HDAC9: variants seen among roughly 807,000 people sequenced by gnomAD.
HDAC9 encodes the protein MEF-2 interacting transcription repressor (MITR) protein.
HDAC9 carries 41 observed loss-of-function variants against 139.4 expected under a neutral mutation model. The observed-to-expected ratio is 0.29, with a 90% confidence interval of 0.23 to 0.38. The LOEUF (loss-of-function observed/expected upper bound fraction) is 0.38, where lower values mean the gene tolerates loss of function less well. Ranked by LOEUF, HDAC9 falls within the 10% of genes least tolerant of loss-of-function variation. HDAC9 has a pLI of 1.00. For missense variants in HDAC9, 1,147 were observed against 1,297.0 expected (o/e 0.88, Z 1.78); for synonymous variants, 517 against 476.2 (o/e 1.09, Z -1.12).
chr7:18,863,242 GA>G (rs568376389), intron 21 of HDAC9, among the ~76,000 whole-genome samples: 88 of 152,166 alleles, frequency 5.8e-4, no homozygotes, highest in African/African-American at 9.9e-4. Context: ...CTCCAAACAC[GA>G]AAAACCAGAG....
chr7:18,446,869 G>A (rs1339352551), intron 1 of HDAC9, among the ~76,000 whole-genome samples: 1 of 152,074 alleles, frequency 6.6e-6, no homozygotes, highest in Admixed American at 6.6e-5. Context: ...CAATGTAAGT[G>A]TAACATGATT....
chr7:18,287,208 T>A (rs1472846997), upstream of HDAC9, among the ~76,000 whole-genome samples: 1 of 151,706 alleles, frequency 6.6e-6, no homozygotes, highest in East Asian at 1.9e-4. Flanking sequence ...TATTGCTTAT[T>A]TTTTTTTACT....
intron 12 of HDAC9, chr7:18,667,285 A>G: frequency 2.0e-6 from 2 of 985,046 alleles, no homozygotes; most frequent in Non-Finnish European, 2.4e-6. Flanking sequence ...CCAATCAGAT[A>G]CAATATTGTG....
chr7:18,216,468 A>C (rs1211631639), intron 2 of HDAC9, among the ~76,000 whole-genome samples: 3 of 152,066 alleles, frequency 2.0e-5, no homozygotes, highest in Admixed American at 2.0e-4. Context: ...GTTGGAAACA[A>C]CTCTGCTAAA....
At chr7:18,364,911 G>A (rs949413814) in intron 1 of HDAC9, among the ~76,000 whole-genome samples, 8 of 152,064 alleles carry the variant, frequency 5.3e-5, no homozygotes, top group East Asian at 3.9e-4. Context: ...TAGCAGAATC[G>A]AAGGGAAATT....
intron 2 of HDAC9, among the ~76,000 whole-genome samples, chr7:18,253,436 A>G (rs1167705614): frequency 2.0e-5 from 3 of 152,130 alleles, no homozygotes; most frequent in Non-Finnish European, 4.4e-5. Context: ...ACTTTTTATA[A>G]TAGCCATTCT....
intron 22 of HDAC9, among the ~76,000 whole-genome samples, chr7:18,906,728 A>G (rs1304965569): frequency 6.6e-6 from 1 of 152,176 alleles, no homozygotes; most frequent in Admixed American, 6.5e-5. Flanking sequence ...GATTCAACTA[A>G]CCTGAGCAGT....
rs912726163 is a variant in HDAC9 at position 18,997,924 on chromosome 7, A to G, written c.*1862A>G. The G allele has an allele frequency of 6.6e-6, 1 of 152,190 alleles. No individual in the cohort carries two copies. Among genetic ancestry groups the G allele is most frequent in the African/African-American group, 2.4e-5 (1 of 41,472 alleles). The allele number at this position is 152,190 out of a possible 1,614,324, so 9.4% of individuals were successfully genotyped here. A position where few individuals can be genotyped will look rare whatever the true frequency, so the allele number is the denominator to read the frequency against. On this transcript the variant is annotated 3_prime_UTR_variant, in exon 26 of 26. Coordinates refer to ENST00000686413, the MANE Select transcript of HDAC9 (RefSeq NM_178425.4). ...AATCTGAAATGGAATGTAACTTAGT[A>G]TTAGGTAAAAATTGCTTTCATTGCG...
In HDAC9 at chr7:18,591,076, T is replaced by A. The variant is rs188580052; in HGVS notation, c.416-440T>A. Among the ~76,000 whole-genome samples the A allele has an allele frequency of 7.1e-4, 108 of 152,298 alleles. 2 individuals carry two copies. In the East Asian group the frequency reaches 0.019, roughly 27 times the overall value. ...TTGTTTAATGCTCAAAGGGTTTTTT[T>A]AAAAACTAAGGTTTTCAAACTAGCA... On this transcript the variant is annotated intron_variant, in intron 4 of 25. Coordinates refer to ENST00000686413, the MANE Select transcript of HDAC9 (RefSeq NM_178425.4).
chr7:18,119,034 A>G (rs1001481970), intron 1 of HDAC9, among the ~76,000 whole-genome samples: 1 of 152,152 alleles, frequency 6.6e-6, no homozygotes, highest in African/African-American at 2.4e-5. Context: ...GAGTTAGACT[A>G]ATTTCCTTAA....
At chr7:18,576,094 G>A (rs1825856794) in intron 2 of HDAC9, among the ~76,000 whole-genome samples, 1 of 152,216 alleles carries the variant, frequency 6.6e-6, no homozygotes, top group African/African-American at 2.4e-5. Context: ...GGTATTGGGG[G>A]AAAGGTTTTA....
At chr7:18,393,959 CAG>C (rs1786784727) in intron 1 of HDAC9, among the ~76,000 whole-genome samples, 1 of 152,144 alleles carries the variant, frequency 6.6e-6, no homozygotes, top group South Asian at 2.1e-4. Flanking sequence ...AGACATGTCT[CAG>C]TGAAGTTCAA....
intron 2 of HDAC9, among the ~76,000 whole-genome samples, chr7:18,263,327 C>CAATTATACCAAT (rs1361575575): frequency 6.6e-6 from 1 of 152,092 alleles, no homozygotes; most frequent in East Asian, 1.9e-4. Flanking sequence ...CCAATTTTCT[C>CAATTATACCAAT]ATAATCTCTT....
chr7:18,137,619 G>A (rs1179960097), intron 1 of HDAC9, among the ~76,000 whole-genome samples: 34 of 150,248 alleles, frequency 2.3e-4, no homozygotes, highest in Admixed American at 3.3e-4. Flanking sequence ...ATTGATTTGC[G>A]TATATTGAAC....
intron 2 of HDAC9, among the ~76,000 whole-genome samples, chr7:18,533,150 C>T (rs1809606441): frequency 6.6e-6 from 1 of 152,168 alleles, no homozygotes; most frequent in Non-Finnish European, 1.5e-5. Flanking sequence ...ATTGCAAAAT[C>T]GTACCCTCTA....
chr7:18,961,585 AG>A (rs1282588605), intron 24 of HDAC9, among the ~76,000 whole-genome samples: 1 of 152,216 alleles, frequency 6.6e-6, no homozygotes, highest in Non-Finnish European at 1.5e-5. Context: ...GAAGTTACGG[AG>A]GAACATTGGA....
intron 1 of HDAC9, among the ~76,000 whole-genome samples, chr7:18,374,308 A>G (rs1201976700): frequency 6.6e-6 from 1 of 152,012 alleles, no homozygotes; most frequent in Non-Finnish European, 1.5e-5. Flanking sequence ...GAATGTATAC[A>G]CACAAATACA....
intron 1 of HDAC9, among the ~76,000 whole-genome samples, chr7:18,387,344 G>A (rs1254062180): frequency 6.6e-6 from 1 of 152,034 alleles, no homozygotes; most frequent in Admixed American, 6.6e-5. Flanking sequence ...TTAAATGCTG[G>A]ATTCATAATC....
intron 2 of HDAC9, among the ~76,000 whole-genome samples, chr7:18,172,065 G>A (rs1440700764): frequency 2.6e-5 from 4 of 152,156 alleles, no homozygotes; most frequent in Non-Finnish European, 4.4e-5. Flanking sequence ...CTGTGAATTC[G>A]TCTGGTTCTG....
Sources: gnomAD v4.1 joint callset for allele counts (sites outside exome capture counted in the v4.1 genomes callset) on GRCh38, gnomAD v4.1.1 for gene constraint, MANE v1.5 for transcripts, NCBI Gene and HGNC (gene_info 2026-07-23, HGNC 2026-07-21) for gene names.